The following ST6GALNAC3 variants were observed in gnomAD, a reference collection of about 807,000 sequenced individuals.
ST6GALNAC3 encodes the protein alpha-N-acetylgalactosaminide alpha-2,6-sialyltransferase 3.
A neutral mutation model predicts 32.7 loss-of-function variants in ST6GALNAC3; 25 were observed. The observed-to-expected ratio is 0.76, with a 90% CI of 0.56 to 1.07. The LOEUF is 1.07. Among genes scored for constraint, ST6GALNAC3 ranks in the 50% least tolerant of loss-of-function variants. The pLI, the probability that ST6GALNAC3 is intolerant of heterozygous loss-of-function variation, is 0.00. For missense variants in ST6GALNAC3, 355 were observed against 382.4 expected (o/e 0.93, Z 0.60); for synonymous variants, 129 against 133.1 (o/e 0.97, Z 0.21).
chr1:76,454,981 G>T (rs1657672910), intron 3 of ST6GALNAC3, among the ~76,000 whole-genome samples: 1 of 151,180 alleles, frequency 6.6e-6, no homozygotes, highest in Admixed American at 6.6e-5. Context: ...TATTACATAG[G>T]AATTTATTCT....
chr1:76,171,261 C>T (rs1652478503), intron 1 of ST6GALNAC3, among the ~76,000 whole-genome samples: 2 of 152,046 alleles, frequency 1.3e-5, no homozygotes, highest in Non-Finnish European at 2.9e-5. Flanking sequence ...GTAATTATTG[C>T]TTTTAGGGTT....
intron 3 of ST6GALNAC3, among the ~76,000 whole-genome samples, chr1:76,487,018 G>A (rs1173625533): frequency 6.6e-6 from 1 of 152,134 alleles, no homozygotes; most frequent in Non-Finnish European, 1.5e-5. Flanking sequence ...ATTCTGGATT[G>A]AAAATTCTTC....
At chr1:76,398,170 A>G (rs1301634153) in intron 2 of ST6GALNAC3, among the ~76,000 whole-genome samples, 1 of 152,016 alleles carries the variant, frequency 6.6e-6, no homozygotes, top group African/African-American at 2.4e-5. Context: ...AAAAAAAAAG[A>G]GAGTCTTCTA....
intron 2 of ST6GALNAC3, among the ~76,000 whole-genome samples, chr1:76,362,500 A>C (rs1650041634): frequency 6.6e-6 from 1 of 152,162 alleles, no homozygotes; most frequent in Non-Finnish European, 1.5e-5. Flanking sequence ...GCATTAACTC[A>C]ACAGTCCGAA....
intron 1 of ST6GALNAC3, among the ~76,000 whole-genome samples, chr1:76,234,146 C>T (rs1217292935): frequency 3.9e-5 from 6 of 152,302 alleles, no homozygotes; most frequent in Admixed American, 2.6e-4. Context: ...ATCCACCTTA[C>T]CACCTTGCTT....
chr1:76,570,355 C>G (rs1665789042), intron 3 of ST6GALNAC3, among the ~76,000 whole-genome samples: 2 of 150,956 alleles, frequency 1.3e-5, no homozygotes, highest in African/African-American at 4.9e-5. Flanking sequence ...TCTTCCTTTT[C>G]TCTCCCTCTC....
intron 1 of ST6GALNAC3, among the ~76,000 whole-genome samples, chr1:76,080,680 T>C (rs910543799): frequency 2.0e-5 from 3 of 147,762 alleles, no homozygotes; most frequent in African/African-American, 7.5e-5. Context: ...AACCAAATGA[T>C]TGTGTGGTTC....
Position 76,536,929 on chromosome 1 carries a change from C to T in ST6GALNAC3, c.624-90523C>T, listed in dbSNP as rs568501751. Among the ~76,000 whole-genome samples, 25 of 152,212 alleles carry T rather than the reference C, an allele frequency of 1.6e-4. No individual in the cohort carries two copies. The East Asian group carries it at 1.7e-3, about 11-fold the overall frequency. ...CCACTGTCAATATTAGACAGATCAACGAGTCAGAAAATTAACAAGGATATT... is the reference window on the plus strand; with the variant it reads ...CCACTGTCAATATTAGACAGATCAATGAGTCAGAAAATTAACAAGGATATT... On this transcript the variant is annotated intron_variant, in intron 3 of 4. Transcript: ENST00000328299.
At chr1:76,341,678 TTTCC>T (rs1553181681) in intron 2 of ST6GALNAC3, among the ~76,000 whole-genome samples, 24 of 121,300 alleles carry the variant, frequency 2.0e-4, no homozygotes, top group Admixed American at 7.2e-4. Flanking sequence ...TCTTTCTTTC[TTTCC>T]TTCTTTCTTT....
At position 76,412,052 on chromosome 1, in the gene ST6GALNAC3, A is replaced by AGGT; in HGVS notation, c.259_261dup (p.Gly87dup). 6.2e-7 allele frequency: 1 copy of AGGT among 1,613,614 alleles called. No individual in the cohort carries two copies. Among genetic ancestry groups the AGGT allele is most frequent in the Admixed American group, 1.7e-5 (1 of 59,934 alleles). ...ACCTTTGTGCCATAGTGTCAAACTC[A>AGGT]GGTCAGATGGTTGGCCAGAAGGTGG... is the stretch of plus-strand genomic sequence containing the variant. On this transcript the variant is annotated inframe_insertion, in exon 3 of 5. Transcript: ENST00000328299.
chr1:76,086,451 G>A (rs959272838), intron 1 of ST6GALNAC3, among the ~76,000 whole-genome samples: 2 of 152,116 alleles, frequency 1.3e-5, no homozygotes, highest in African/African-American at 4.8e-5. Flanking sequence ...TCTTCCTAGA[G>A]GCTCATATTT....
chr1:76,120,133 A>G (rs1021538131), intron 1 of ST6GALNAC3, among the ~76,000 whole-genome samples: 1 of 152,270 alleles, frequency 6.6e-6, no homozygotes, highest in African/African-American at 2.4e-5. Flanking sequence ...GACCATTTAG[A>G]TGGAAATAAA....
At chr1:76,482,763 A>G (rs1659811852) in intron 3 of ST6GALNAC3, among the ~76,000 whole-genome samples, 1 of 152,046 alleles carries the variant, frequency 6.6e-6, no homozygotes, top group Admixed American at 6.6e-5. Context: ...TCTAGGGCAC[A>G]TGTGCACAAT....
chr1:76,161,166 G>A (rs17098249), intron 1 of ST6GALNAC3, among the ~76,000 whole-genome samples: 1,578 of 152,248 alleles, frequency 0.01, 31 homozygotes, highest in African/African-American at 0.036. Context: ...TAACACTTGG[G>A]CCATTATTCC....
At chr1:76,162,635 C>T (rs140000474) in intron 1 of ST6GALNAC3, among the ~76,000 whole-genome samples, 2 of 152,270 alleles carry the variant, frequency 1.3e-5, no homozygotes, top group Non-Finnish European at 2.9e-5. Flanking sequence ...GCTTATTGAG[C>T]TCCTATTATG....
At chr1:76,228,283 G>C (rs975165651) in intron 1 of ST6GALNAC3, among the ~76,000 whole-genome samples, 2 of 152,158 alleles carry the variant, frequency 1.3e-5, no homozygotes, top group Non-Finnish European at 2.9e-5. Flanking sequence ...CATGATTCCT[G>C]TAAGAACAAT....
At chr1:76,358,638 T>C (rs6678598) in intron 2 of ST6GALNAC3, among the ~76,000 whole-genome samples, 51,407 of 152,004 alleles carry the variant, frequency 0.34, 9,218 homozygotes, top group East Asian at 0.62. Context: ...TTCACTCCTC[T>C]ACAGTTACCA....
intron 3 of ST6GALNAC3, among the ~76,000 whole-genome samples, chr1:76,427,279 A>G (rs1655457285): frequency 6.6e-6 from 1 of 151,998 alleles, no homozygotes; most frequent in Non-Finnish European, 1.5e-5. Flanking sequence ...GCTCACAAGG[A>G]CTGCCACCAT....
At chr1:76,101,472 AAC>A (rs1335487112) in intron 1 of ST6GALNAC3, among the ~76,000 whole-genome samples, 2 of 152,156 alleles carry the variant, frequency 1.3e-5, no homozygotes, top group Non-Finnish European at 1.5e-5. Flanking sequence ...TGTATTCGTA[AAC>A]ACAGAATAAA....
Sources: allele counts gnomAD v4.1 joint callset (sites outside exome capture counted in the v4.1 genomes callset), GRCh38; gene constraint gnomAD v4.1.1; transcripts MANE v1.5; gene names NCBI Gene and HGNC (gene_info 2026-07-23, HGNC 2026-07-21).